Variants in ADAMTS3 observed in about 807,000 individuals in gnomAD.
ADAMTS3 encodes A disintegrin and metalloproteinase with thrombospondin motifs 3.
ADAMTS3 carries 73 observed loss-of-function variants against 129.0 expected under a neutral mutation model. That is an observed-to-expected ratio of 0.57 (90% confidence interval 0.47 to 0.69). ADAMTS3 has a LOEUF of 0.69. ADAMTS3 is among the 30% of genes least tolerant of loss of function. ADAMTS3 has a pLI of 0.00. For synonymous variants in ADAMTS3, 477 were observed against 510.8 expected, an observed-to-expected ratio of 0.93 and a Z score of 0.89; for missense variants, 1,457 against 1,514.5, an observed-to-expected ratio of 0.96 and a Z score of 0.63.
At chr4:72,346,518 A>T (rs1017840224) in intron 4 of ADAMTS3, among the ~76,000 whole-genome samples, 1 of 152,062 alleles carries the variant, frequency 6.6e-6, no homozygotes, top group Admixed American at 6.6e-5. Flanking sequence ...GATTCTCATA[A>T]TTGTTGCTCA....
chr4:72,333,084 G>A (rs116702071), intron 5 of ADAMTS3, among the ~76,000 whole-genome samples: 1 of 152,118 alleles, frequency 6.6e-6, no homozygotes, highest in African/African-American at 2.4e-5. Flanking sequence ...CTCTTCATTT[G>A]TAAACTGGGA....
intron 4 of ADAMTS3, among the ~76,000 whole-genome samples, chr4:72,409,921 A>G (rs1212602366): frequency 1.3e-5 from 2 of 152,198 alleles, no homozygotes; most frequent in Admixed American, 1.3e-4. Flanking sequence ...TGGCTGCTAA[A>G]TAAGATGATG....
At chr4:72,480,100 C>T (rs1483597065) in intron 3 of ADAMTS3, among the ~76,000 whole-genome samples, 1 of 152,180 alleles carries the variant, frequency 6.6e-6, no homozygotes, top group Non-Finnish European at 1.5e-5. Context: ...GTTGGTGGGA[C>T]TGTAAACGAG....
rs184278255 is a variant in ADAMTS3, at chr4:72,528,421, T to A, written c.504+20057A>T. Among the ~76,000 whole-genome samples, 103 of 151,936 alleles carry A rather than the reference T, an allele frequency of 6.8e-4. 1 individual carries two copies. Among genetic ancestry groups the A allele is most frequent in the African/African-American group, 2.3e-3 (97 of 41,464 alleles). On this transcript the variant is annotated intron_variant, in intron 3 of 21. Coordinates refer to ENST00000286657, the MANE Select transcript of ADAMTS3 (RefSeq NM_014243.3). The stretch of plus-strand genomic sequence containing the variant: ...ATATTGGAAGCAATCAATATGTTGA[T>A]TACTCTGATTTTATCATTCTATGGT...
At chr4:72,438,639 G>C (rs937699402) in intron 3 of ADAMTS3, among the ~76,000 whole-genome samples, 2 of 151,718 alleles carry the variant, frequency 1.3e-5, no homozygotes, top group Non-Finnish European at 2.9e-5. Flanking sequence ...CTGTGCACTT[G>C]AGTGAGTATG....
chr4:72,287,062 G>C (rs544927653), intron 21 of ADAMTS3, among the ~76,000 whole-genome samples: 14 of 152,164 alleles, frequency 9.2e-5, no homozygotes, highest in African/African-American at 3.4e-4. Context: ...TGGGGACTTT[G>C]GGAGGTGACT....
chr4:72,317,585 AT>A (rs1376603424), intron 10 of ADAMTS3, among the ~76,000 whole-genome samples: 8 of 152,002 alleles, frequency 5.3e-5, no homozygotes, highest in African/African-American at 1.9e-4. Context: ...TTTAACATAT[AT>A]ACGTGCCTTT....
chr4:72,517,232 G>T (rs148748040), intron 3 of ADAMTS3, among the ~76,000 whole-genome samples: 43,969 of 151,840 alleles, frequency 0.29, 6,615 homozygotes, highest in Middle Eastern at 0.35. Context: ...GCTGGATTCG[G>T]TTTGCCAGTA....
chr4:72,467,716 T>A (rs1344729508), intron 3 of ADAMTS3, among the ~76,000 whole-genome samples: 1 of 152,074 alleles, frequency 6.6e-6, no homozygotes, highest in African/African-American at 2.4e-5. Flanking sequence ...CATCACAGAC[T>A]AAGTTACCAC....
intron 3 of ADAMTS3, among the ~76,000 whole-genome samples, chr4:72,456,367 A>AATATATAGT (rs1238083261): frequency 8.8e-6 from 1 of 113,188 alleles, no homozygotes; most frequent in Non-Finnish European, 1.9e-5. Context: ...TATAGTATAC[A>AATATATAGT]ATATATAGTA....
intron 3 of ADAMTS3, among the ~76,000 whole-genome samples, chr4:72,480,672 G>A (rs1719408997): frequency 6.7e-6 from 1 of 149,732 alleles, no homozygotes; most frequent in Admixed American, 6.7e-5. Context: ...TTGTGCACAT[G>A]TACCCTAAAA....
At chr4:72,323,171 G>A in intron 5 of ADAMTS3, 74 bp from the exon 6 acceptor site, 1 of 1,136,726 alleles carries the variant, frequency 8.8e-7, no homozygotes, top group Non-Finnish European at 1.3e-6. Flanking sequence ...TATAAGCTGT[G>A]TAATCACCAC....
intron 19 of ADAMTS3, among the ~76,000 whole-genome samples, chr4:72,292,232 T>C (rs542729605): frequency 1.3e-5 from 2 of 152,246 alleles, no homozygotes; most frequent in Non-Finnish European, 2.9e-5. Flanking sequence ...AAAAATCTGG[T>C]TCACATTCTA....
chr4:72,480,455 A>C (rs1719400242), intron 3 of ADAMTS3, among the ~76,000 whole-genome samples: 1 of 152,140 alleles, frequency 6.6e-6, no homozygotes, highest in Admixed American at 6.5e-5. Flanking sequence ...ACAAAAAACC[A>C]AACACCACAT....
At chr4:72,365,184 C>T (rs572893481) in intron 4 of ADAMTS3, among the ~76,000 whole-genome samples, 1 of 152,232 alleles carries the variant, frequency 6.6e-6, no homozygotes, top group Admixed American at 6.5e-5. Flanking sequence ...CTAGTACCTG[C>T]CAGATATGAT....
chr4:72,306,733 A>G (rs1435849384), intron 15 of ADAMTS3, among the ~76,000 whole-genome samples: 1 of 151,988 alleles, frequency 6.6e-6, no homozygotes, highest in African/African-American at 2.4e-5. Context: ...TGTGTTATGC[A>G]TTGCCTTTAT....
chr4:72,517,714 G>T (rs1426330732), intron 3 of ADAMTS3, among the ~76,000 whole-genome samples: 2 of 151,742 alleles, frequency 1.3e-5, no homozygotes, highest in Non-Finnish European at 2.9e-5. Context: ...GCGTCTATTT[G>T]ATTCTTCTCT....
chr4:72,511,262 C>G (rs957517794), intron 3 of ADAMTS3, among the ~76,000 whole-genome samples: 2 of 151,988 alleles, frequency 1.3e-5, no homozygotes, highest in African/African-American at 4.8e-5. Context: ...GCAACCAAAG[C>G]AAAAATGGAC....
At chr4:72,539,188 G>A (rs989369596) in intron 3 of ADAMTS3, among the ~76,000 whole-genome samples, 2 of 151,978 alleles carry the variant, frequency 1.3e-5, no homozygotes, top group African/African-American at 4.8e-5. Context: ...AGATTTTTGT[G>A]TATCAAAAGA....
Sources: allele counts gnomAD v4.1 joint callset (sites outside exome capture counted in the v4.1 genomes callset), GRCh38; gene constraint gnomAD v4.1.1; transcripts MANE v1.5; gene names NCBI Gene and HGNC (gene_info 2026-07-23, HGNC 2026-07-21).